MCC: variants seen among roughly 807,000 people sequenced by gnomAD.
MCC encodes colorectal mutant cancer protein.
MCC carries 90 observed loss-of-function variants against 116.2 expected under a neutral mutation model. The ratio of observed to expected loss-of-function variants is 0.77; its 90% CI spans 0.65 to 0.92. The LOEUF is 0.92. MCC is among the 40% of genes least tolerant of loss of function. MCC has a pLI of 0.00. For missense variants in MCC, 1,516 were observed against 1,312.2 expected, an observed-to-expected ratio of 1.16 and a Z score of -2.40; for synonymous variants, 578 against 510.5, an observed-to-expected ratio of 1.13 and a Z score of -1.78.
chr5:113,208,889 G>T (rs1405382098), intron 3 of MCC, among the ~76,000 whole-genome samples: 1 of 152,060 alleles, frequency 6.6e-6, no homozygotes, highest in Admixed American at 6.6e-5. Flanking sequence ...ATTACAATTC[G>T]CTAGAAAATT....
chr5:113,424,631 T>C (rs557947002), intron 1 of MCC, among the ~76,000 whole-genome samples: 1 of 152,110 alleles, frequency 6.6e-6, no homozygotes, highest in Non-Finnish European at 1.5e-5. Flanking sequence ...GAGAATTCCT[T>C]GAACCTGGGA....
At chr5:113,202,419 A>G (rs1762723983) in intron 3 of MCC, among the ~76,000 whole-genome samples, 2 of 152,142 alleles carry the variant, frequency 1.3e-5, no homozygotes, top group South Asian at 4.1e-4. Context: ...TAGCTCCGAC[A>G]CTGGGTTTAC....
chr5:113,123,234 G>A (rs1757840436), intron 5 of MCC, among the ~76,000 whole-genome samples: 2 of 152,240 alleles, frequency 1.3e-5, no homozygotes, highest in African/African-American at 2.4e-5. Flanking sequence ...AATCTGGAGG[G>A]GCCCACAGGG....
chr5:113,390,434 T>C (rs973687493), intron 1 of MCC, among the ~76,000 whole-genome samples: 1 of 152,162 alleles, frequency 6.6e-6, no homozygotes, highest in African/African-American at 2.4e-5. Context: ...AGAACACCAA[T>C]CACCAGACAG....
At chr5:113,240,511 T>C (rs1447465137) in intron 3 of MCC, among the ~76,000 whole-genome samples, 1 of 152,212 alleles carries the variant, frequency 6.6e-6, no homozygotes, top group Non-Finnish European at 1.5e-5. Context: ...GCATGATTCA[T>C]GATATCCACT....
chr5:113,170,646 G>A (rs1233137014), intron 3 of MCC, among the ~76,000 whole-genome samples: 4 of 152,000 alleles, frequency 2.6e-5, no homozygotes, highest in African/African-American at 9.7e-5. Flanking sequence ...AGTATTTACT[G>A]ACTTTTATAT....
intron 3 of MCC, among the ~76,000 whole-genome samples, chr5:113,275,776 A>C (rs1276941004): frequency 6.6e-6 from 1 of 152,180 alleles, no homozygotes; most frequent in East Asian, 1.9e-4. Flanking sequence ...CGCATAGCTT[A>C]TATGCAAATA....
At chr5:113,145,712 CTT>C (rs2150287568) in intron 4 of MCC, among the ~76,000 whole-genome samples, 1 of 149,788 alleles carries the variant, frequency 6.7e-6, no homozygotes, top group South Asian at 2.2e-4. Context: ...AGTGGCCATT[CTT>C]TTGTTTCTCT....
intron 2 of MCC, among the ~76,000 whole-genome samples, chr5:113,347,123 A>C (rs1768153613): frequency 6.6e-6 from 1 of 152,232 alleles, no homozygotes; most frequent in Non-Finnish European, 1.5e-5. Flanking sequence ...GATATTAATG[A>C]GCAACAAGTG....
intron 2 of MCC, among the ~76,000 whole-genome samples, chr5:113,364,108 G>C (rs1035422508): frequency 4.6e-5 from 7 of 152,010 alleles, no homozygotes; most frequent in Admixed American, 4.6e-4. Context: ...GTGGGTGCCT[G>C]TAATCCCAGC....
intron 1 of MCC, among the ~76,000 whole-genome samples, chr5:113,425,732 G>A (rs1043306147): frequency 6.6e-6 from 1 of 152,084 alleles, no homozygotes; most frequent in Non-Finnish European, 1.5e-5. Flanking sequence ...AGCGTCATCA[G>A]TGTTACAAAG....
At chr5:113,049,813 T>C (rs11742162) in intron 15 of MCC, among the ~76,000 whole-genome samples, 37,887 of 152,176 alleles carry the variant, frequency 0.25, 5,400 homozygotes, top group Non-Finnish European at 0.34. Flanking sequence ...GGGCCAGGCA[T>C]GCGGCGAATG....
Position 113,385,140 on chromosome 5 carries a change from T to C in MCC, c.243A>G (p.Gly81=). ...AGGAAATCTTCCCATTTTCATCTGCTCCCAACTGGTTCATGATCTCAGCCA... is the reference window on the plus strand; with the variant it reads ...AGGAAATCTTCCCATTTTCATCTGCCCCCAACTGGTTCATGATCTCAGCCA... The part of the protein sequence containing the change: ...ESVAEIMNQL[G]ADENGKISFQ... The change falls in exon 2 of 19, where the codon GGA becomes GGG. Residue 81 remains glycine, a synonymous_variant. Coordinates refer to ENST00000408903, the MANE Select transcript of MCC (RefSeq NM_001085377.2). 6.2e-7 allele frequency: 1 copy of C among 1,614,162 alleles called. No individual in the cohort carries two copies. The highest frequency in any genetic ancestry group is 8.5e-7 in the Non-Finnish European group (1 of 1,180,018).
intron 1 of MCC, among the ~76,000 whole-genome samples, chr5:113,392,405 A>G (rs1349323753): frequency 6.6e-6 from 1 of 152,186 alleles, no homozygotes; most frequent in East Asian, 1.9e-4. Flanking sequence ...ATGGATTGCC[A>G]AAAACATTAG....
chr5:113,198,184 G>A (rs115402921), intron 3 of MCC, among the ~76,000 whole-genome samples: 12 of 152,320 alleles, frequency 7.9e-5, no homozygotes, highest in African/African-American at 2.6e-4. Context: ...GCTTGTTCAT[G>A]TCTTTGGTGG....
intron 6 of MCC, among the ~76,000 whole-genome samples, chr5:113,121,386 G>A (rs1486984758): frequency 6.6e-6 from 1 of 152,116 alleles, no homozygotes; most frequent in Non-Finnish European, 1.5e-5. Flanking sequence ...ACTCTGCATG[G>A]CCTAGTTCCT....
chr5:113,097,395 AG>A (rs1388474332), intron 8 of MCC, among the ~76,000 whole-genome samples: 1 of 152,234 alleles, frequency 6.6e-6, no homozygotes, highest in Non-Finnish European at 1.5e-5. Flanking sequence ...AGAACATTAT[AG>A]AGAAGTTTAA....
At chr5:113,163,514 C>A (rs1384677254) in intron 3 of MCC, among the ~76,000 whole-genome samples, 2 of 152,032 alleles carry the variant, frequency 1.3e-5, no homozygotes, top group Admixed American at 1.3e-4. Flanking sequence ...TTCCTGTAAC[C>A]CTTAGTATGA....
chr5:113,028,868 T>C, intron 18 of MCC, 66 bp downstream of exon 18: 2 of 1,566,636 alleles, frequency 1.3e-6, no homozygotes, highest in East Asian at 2.3e-5. Flanking sequence ...TGTGTCTACA[T>C]GCAGGGTGTC....
Sources: allele counts gnomAD v4.1 joint callset (sites outside exome capture counted in the v4.1 genomes callset), GRCh38; gene constraint gnomAD v4.1.1; transcripts MANE v1.5; gene names NCBI Gene and HGNC (gene_info 2026-07-23, HGNC 2026-07-21).